The following RNF216 variants were observed in gnomAD, a reference collection of about 807,000 sequenced individuals.
RNF216 encodes ring finger protein 216, also known as E3 ubiquitin-protein ligase RNF216.
RNF216 carries 72 observed loss-of-function variants against 110.8 expected under a neutral mutation model. That is an observed-to-expected ratio of 0.65 (90% confidence interval 0.54 to 0.79). The LOEUF is 0.79. RNF216 is among the 30% of genes least tolerant of loss of function. The pLI is 0.00. For synonymous variants in RNF216, 495 were observed against 407.5 expected (o/e 1.21, Z -2.59); for missense variants, 1,342 against 1,141.2 (o/e 1.18, Z -2.54).
Position 5,675,368 on chromosome 7 carries a change from G to T in RNF216, c.2062-22858C>A, listed in dbSNP as rs1790216972. ...AGGTGTGACTTTGGCATGGTGTAGT[G>T]GCTCATGCCTGTAAATCCCAGCACT... On this transcript the variant is annotated intron_variant, in intron 13 of 16. Transcript: ENST00000389902. 2.0e-5 allele frequency among the ~76,000 whole-genome samples: 3 copies of T among 152,148 alleles called. No individual in the cohort carries two copies. In the South Asian group the frequency reaches 6.2e-4, roughly 32 times the overall value.
intron 13 of RNF216, among the ~76,000 whole-genome samples, chr7:5,676,225 T>A (rs898013613): frequency 6.6e-6 from 1 of 152,150 alleles, no homozygotes; most frequent in Non-Finnish European, 1.5e-5. Flanking sequence ...TTGGTCAGGC[T>A]GATCTTGAAC....
chr7:5,708,007 G>A (rs76764453), intron 13 of RNF216, among the ~76,000 whole-genome samples: 3,615 of 152,264 alleles, frequency 0.024, 149 homozygotes, highest in African/African-American at 0.083. Flanking sequence ...GATGACAGGT[G>A]GGAGCCACCA....
At chr7:5,676,425 A>G (rs1340521705) in intron 13 of RNF216, among the ~76,000 whole-genome samples, 1 of 152,218 alleles carries the variant, frequency 6.6e-6, no homozygotes, top group Non-Finnish European at 1.5e-5. Flanking sequence ...TGCAAAAAGT[A>G]TGATTCTGAA....
chr7:5,681,135 A>G (rs1291563063), intron 13 of RNF216, among the ~76,000 whole-genome samples: 1 of 152,112 alleles, frequency 6.6e-6, no homozygotes, highest in Non-Finnish European at 1.5e-5. Context: ...TCTTGCTTAT[A>G]ATTTGGACAA....
At chr7:5,671,133 C>G (rs1347633769) in intron 13 of RNF216, among the ~76,000 whole-genome samples, 1 of 152,232 alleles carries the variant, frequency 6.6e-6, no homozygotes, top group Non-Finnish European at 1.5e-5. Flanking sequence ...ATGCCTTTTG[C>G]CAGGCTCCCT....
At chr7:5,741,920 A>G in intron 3 of RNF216, 105 bp from the exon 4 acceptor site, 4 of 1,168,118 alleles carry the variant, frequency 3.4e-6, no homozygotes, top group East Asian at 4.9e-5. Flanking sequence ...AAACAAAAAC[A>G]CCATCTCCCT....
intron 14 of RNF216, among the ~76,000 whole-genome samples, chr7:5,651,840 G>C (rs1788410375): frequency 6.6e-6 from 1 of 152,012 alleles, no homozygotes; most frequent in South Asian, 2.1e-4. Flanking sequence ...GTAGAGATGG[G>C]GTTTCACCAT....
chr7:5,710,660 C>A (rs1792621553), intron 13 of RNF216, among the ~76,000 whole-genome samples: 1 of 152,184 alleles, frequency 6.6e-6, no homozygotes, highest in East Asian at 1.9e-4. Context: ...TATGAGCCTC[C>A]TTCACACTCC....
At position 5,708,525 on chromosome 7, in the gene RNF216, TTC is replaced by T. The variant is rs1248340084; in HGVS notation, c.2061+3234_2061+3235del. Reference sequence around the variant, plus strand: ...TGTAATTCAAGTACCCATACAATCATTCTCTTTTTCACTTTCAGTACAGTACT... The same window carrying T: ...TGTAATTCAAGTACCCATACAATCATTCTTTTTCACTTTCAGTACAGTACT... On this transcript the variant is annotated intron_variant, in intron 13 of 16. Coordinates refer to ENST00000389902, the MANE Select transcript of RNF216 (RefSeq NM_207111.4). 1.6e-4 allele frequency among the ~76,000 whole-genome samples: 24 copies of T among 152,344 alleles called. No individual in the cohort carries two copies. In the East Asian group the frequency reaches 4.2e-3, roughly 27 times the overall value.
At chr7:5,751,236 A>G (rs993754753) in intron 3 of RNF216, among the ~76,000 whole-genome samples, 1 of 152,228 alleles carries the variant, frequency 6.6e-6, no homozygotes, top group Non-Finnish European at 1.5e-5. Flanking sequence ...CCTATAAAGT[A>G]TATGCTGGGA....
intron 2 of RNF216, among the ~76,000 whole-genome samples, chr7:5,754,237 C>A (rs544223327): frequency 5.3e-5 from 8 of 151,636 alleles, no homozygotes; most frequent in African/African-American, 1.9e-4. Context: ...CTCACTGCAG[C>A]TTCAACCTCC....
At chr7:5,775,239 T>C (rs943308538) in intron 1 of RNF216, 7 of 152,148 alleles carry the variant, frequency 4.6e-5, no homozygotes, top group African/African-American at 1.7e-4. Flanking sequence ...ACAGAAAATA[T>C]GGGAAACAAA....
intron 13 of RNF216, among the ~76,000 whole-genome samples, chr7:5,699,451 A>C (rs1791829337): frequency 1.3e-5 from 2 of 152,208 alleles, no homozygotes; most frequent in South Asian, 2.1e-4. Context: ...CCTAGACCTC[A>C]GCCTGTTTTA....
chr7:5,688,496 T>G (rs964019764), intron 13 of RNF216, among the ~76,000 whole-genome samples: 7 of 152,208 alleles, frequency 4.6e-5, no homozygotes, highest in African/African-American at 1.7e-4. Context: ...ACAGAAGTTA[T>G]TATAAACAAA....
chr7:5,668,326 C>G (rs1454367450), intron 13 of RNF216, among the ~76,000 whole-genome samples: 1 of 151,650 alleles, frequency 6.6e-6, no homozygotes, highest in Non-Finnish European at 1.5e-5. Context: ...CAGGTTCACA[C>G]CATTCTCCTG....
chr7:5,649,136 C>G (rs1788228134), intron 14 of RNF216, among the ~76,000 whole-genome samples: 1 of 152,090 alleles, frequency 6.6e-6, no homozygotes, highest in South Asian at 2.1e-4. Context: ...AATCCCAGTA[C>G]TTTGGGAGGC....
At chr7:5,662,788 C>G (rs950440779) in intron 13 of RNF216, among the ~76,000 whole-genome samples, 1 of 152,102 alleles carries the variant, frequency 6.6e-6, no homozygotes, top group Non-Finnish European at 1.5e-5. Flanking sequence ...AGGTAGGGGG[C>G]AGGCAGTGTG....
intron 13 of RNF216, among the ~76,000 whole-genome samples, chr7:5,663,828 G>A (rs1483098785): frequency 1.3e-5 from 2 of 152,044 alleles, no homozygotes; most frequent in African/African-American, 4.8e-5. Flanking sequence ...AACCCAGAAG[G>A]CAGAGGGTGC....
At chr7:5,628,439 C>G (rs2128557597) in intron 15 of RNF216, among the ~76,000 whole-genome samples, 1 of 152,268 alleles carries the variant, frequency 6.6e-6, no homozygotes, top group Non-Finnish European at 1.5e-5. Flanking sequence ...TGCTTAATAA[C>G]TTTAATACAA....
Sources: allele counts gnomAD v4.1 joint callset (sites outside exome capture counted in the v4.1 genomes callset), GRCh38; gene constraint gnomAD v4.1.1; transcripts MANE v1.5; gene names NCBI Gene and HGNC (gene_info 2026-07-23, HGNC 2026-07-21).